Variants in SGCD observed in about 807,000 individuals in gnomAD.
SGCD encodes the protein delta-sarcoglycan.
Under a neutral mutation model 36.6 loss-of-function variants are expected in SGCD, and 18 were observed. That is an observed-to-expected ratio of 0.49 (90% CI 0.34 to 0.73). The LOEUF is 0.73. Ranked by LOEUF, SGCD falls within the 30% of genes least tolerant of loss-of-function variation. The pLI is 0.01. For missense variants in SGCD, 387 were observed against 346.7 expected (o/e 1.12, Z -0.92); for synonymous variants, 133 against 130.6 (o/e 1.02, Z -0.12).
At chr5:156,727,922 T>G (rs1280851588) in intron 7 of SGCD, among the ~76,000 whole-genome samples, 1 of 152,218 alleles carries the variant, frequency 6.6e-6, no homozygotes, top group East Asian at 1.9e-4. Context: ...CTGTGAATGT[T>G]AAATAGTTCA....
At chr5:156,446,572 G>A (rs563715158) in intron 3 of SGCD, among the ~76,000 whole-genome samples, 3 of 152,230 alleles carry the variant, frequency 2.0e-5, no homozygotes, top group South Asian at 2.1e-4. Context: ...TCCCAACAGG[G>A]TTTACTTCCC....
intron 6 of SGCD, among the ~76,000 whole-genome samples, chr5:156,618,090 G>A (rs772369618): frequency 1.3e-5 from 2 of 151,904 alleles, no homozygotes; most frequent in Non-Finnish European, 2.9e-5. Flanking sequence ...TCATCAGTAC[G>A]CAGAAGGAAG....
chr5:156,163,958 G>A (rs898217858), intron 3 of SGCD, among the ~76,000 whole-genome samples: 1 of 149,344 alleles, frequency 6.7e-6, no homozygotes, highest in Non-Finnish European at 1.5e-5. Flanking sequence ...AGGAGGTGGA[G>A]CTTGCAGTGA....
chr5:156,643,260 G>A (rs1763106539), intron 6 of SGCD, among the ~76,000 whole-genome samples: 1 of 151,938 alleles, frequency 6.6e-6, no homozygotes, highest in South Asian at 2.1e-4. Context: ...TCGAACTCCT[G>A]ACCTCAGGTG....
At chr5:155,950,115 G>GT (rs1757520974) in intron 1 of SGCD, among the ~76,000 whole-genome samples, 1 of 152,174 alleles carries the variant, frequency 6.6e-6, no homozygotes, top group African/African-American at 2.4e-5. Context: ...ATTAGCTTGT[G>GT]TAAGAAACAT....
chr5:156,431,035 G>A (rs1263531384), intron 3 of SGCD, among the ~76,000 whole-genome samples: 1 of 152,118 alleles, frequency 6.6e-6, no homozygotes, highest in Non-Finnish European at 1.5e-5. Context: ...TCAATGGTGG[G>A]CCAAGATCCC....
intron 3 of SGCD, among the ~76,000 whole-genome samples, chr5:156,229,338 T>G (rs1320352233): frequency 7.9e-5 from 10 of 126,254 alleles, no homozygotes; most frequent in Non-Finnish European, 1.5e-4. Context: ...TCTAGAGAAC[T>G]CTGACTAATT....
At position 156,233,910 on chromosome 5, in the gene SGCD, G is replaced by GT. The variant is rs141423430; in HGVS notation, c.-43-95617dup. ...TTTTTTGTTTGTTTGTTTTTGTTTT[G>GT]TTTTTTTAAAAAAGAAATGTGTTGT... On this transcript the variant is annotated intron_variant, in intron 3 of 9. Coordinates refer to the SGCD transcript ENST00000517913. 5.6e-3 allele frequency among the ~76,000 whole-genome samples: 846 copies of GT among 152,014 alleles called. 10 individuals carry two copies. Among genetic ancestry groups the GT allele is most frequent in the African/African-American group, 0.019 (803 of 41,484 alleles).
At chr5:156,448,842 T>C (rs922755464) in intron 3 of SGCD, among the ~76,000 whole-genome samples, 8 of 142,754 alleles carry the variant, frequency 5.6e-5, no homozygotes, top group African/African-American at 2.1e-4. Flanking sequence ...TCTGCCTCCC[T>C]GATTCAAGTG....
chr5:156,729,716 G>A (rs1275709179), intron 7 of SGCD, among the ~76,000 whole-genome samples: 1 of 152,062 alleles, frequency 6.6e-6, no homozygotes, highest in Non-Finnish European at 1.5e-5. Flanking sequence ...TCTCCATTCA[G>A]TAAAATGTGC....
chr5:155,977,252 T>G (rs755540506), intron 1 of SGCD, among the ~76,000 whole-genome samples: 2 of 152,226 alleles, frequency 1.3e-5, no homozygotes, highest in East Asian at 3.8e-4. Flanking sequence ...ACATCACTTA[T>G]TGTTTTCTCA....
At chr5:155,830,494 G>C in the SGCD span, among the ~76,000 whole-genome samples, 2 of 152,172 alleles carry the variant, frequency 1.3e-5, no homozygotes, top group African/African-American at 4.8e-5. Flanking sequence ...TAGGGGGAGA[G>C]TGTTCAATCC....
At chr5:155,781,508 C>G in the SGCD span, among the ~76,000 whole-genome samples, 2 of 152,178 alleles carry the variant, frequency 1.3e-5, no homozygotes, top group Non-Finnish European at 2.9e-5. Flanking sequence ...GTCACTGTGG[C>G]TGGTGTGCAG....
chr5:155,730,297 G>A, the SGCD span, among the ~76,000 whole-genome samples: 7 of 152,072 alleles, frequency 4.6e-5, no homozygotes, highest in African/African-American at 1.7e-4. Flanking sequence ...TTCCAAAATT[G>A]CCCAGTAACT....
intron 4 of SGCD, among the ~76,000 whole-genome samples, chr5:156,587,054 G>C (rs2113360524): frequency 6.6e-6 from 1 of 152,276 alleles, no homozygotes; most frequent in East Asian, 1.9e-4. Context: ...CATAGAAGTG[G>C]AGTTGTTATA....
chr5:156,305,735 G>T (rs918529532), intron 3 of SGCD, among the ~76,000 whole-genome samples: 2 of 152,226 alleles, frequency 1.3e-5, no homozygotes, highest in African/African-American at 2.4e-5. Context: ...GCCCATGATA[G>T]CAGTCAGGAG....
chr5:156,631,295 T>A (rs1241119308), intron 6 of SGCD, among the ~76,000 whole-genome samples: 1 of 152,154 alleles, frequency 6.6e-6, no homozygotes, highest in East Asian at 1.9e-4. Flanking sequence ...ATGAAATATA[T>A]TCATAGATAG....
At chr5:156,184,769 C>T (rs1763694819) in intron 3 of SGCD, among the ~76,000 whole-genome samples, 1 of 152,272 alleles carries the variant, frequency 6.6e-6, no homozygotes, top group African/African-American at 2.4e-5. Flanking sequence ...AAGACAAGGA[C>T]CATGCCAAGA....
intron 3 of SGCD, among the ~76,000 whole-genome samples, chr5:156,250,740 A>G (rs990201974): frequency 6.6e-6 from 1 of 152,176 alleles, no homozygotes; most frequent in Non-Finnish European, 1.5e-5. Context: ...CTGACACAGA[A>G]CTGTCAGTTG....
Sources: gnomAD v4.1 joint callset for allele counts (sites outside exome capture counted in the v4.1 genomes callset) on GRCh38, gnomAD v4.1.1 for gene constraint, MANE v1.5 for transcripts, NCBI Gene and HGNC (gene_info 2026-07-23, HGNC 2026-07-21) for gene names.